Variants in HMBOX1 observed in about 807,000 individuals in gnomAD.
The protein encoded by HMBOX1 is homeobox containing 1.
HMBOX1 carries 14 observed loss-of-function variants against 54.5 expected under a neutral mutation model. The observed-to-expected ratio is 0.26, with a 90% confidence interval of 0.17 to 0.40. The LOEUF (loss-of-function observed/expected upper bound fraction) is 0.40, where lower values mean the gene tolerates loss of function less well. Ranked by LOEUF, HMBOX1 falls within the 10% of genes least tolerant of loss-of-function variation. HMBOX1 has a pLI of 1.00. For synonymous variants in HMBOX1, 160 were observed against 181.0 expected (o/e 0.88, Z 0.93); for missense variants, 332 against 514.4 (o/e 0.65, Z 3.43).
chr8:28,969,863 AT>A (rs1485484017), intron 2 of HMBOX1, among the ~76,000 whole-genome samples, 179 bp from the exon 3 acceptor site: 1 of 152,190 alleles, frequency 6.6e-6, no homozygotes, highest in African/African-American at 2.4e-5. Flanking sequence ...TCACCTACTA[AT>A]ACATTTAGTA....
intron 1 of HMBOX1, among the ~76,000 whole-genome samples, chr8:28,937,369 G>A (rs1324673869): frequency 1.3e-5 from 2 of 152,128 alleles, no homozygotes; most frequent in African/African-American, 4.8e-5. Context: ...AAGAGTACTT[G>A]CTATAGGCCA....
intron 9 of HMBOX1, 24 bp from the exon 10 acceptor site, chr8:29,050,991 TAAC>T: frequency 6.2e-7 from 1 of 1,603,672 alleles, no homozygotes; most frequent in Non-Finnish European, 8.5e-7. Flanking sequence ...AATCCACTAA[TAAC>T]ATTTCTTATT....
intron 6 of HMBOX1, among the ~76,000 whole-genome samples, chr8:29,027,778 T>A (rs1001496156): frequency 3.9e-5 from 6 of 152,328 alleles, no homozygotes; most frequent in South Asian, 2.1e-4. Flanking sequence ...GGTTACTGAT[T>A]GCTATAATTT....
intron 1 of HMBOX1, among the ~76,000 whole-genome samples, chr8:28,929,234 A>G (rs758707977): frequency 1.8e-4 from 27 of 152,338 alleles, no homozygotes; most frequent in Admixed American, 3.9e-4. Context: ...GGCTTTTTGT[A>G]TCAAGTTTTA....
intron 1 of HMBOX1, among the ~76,000 whole-genome samples, chr8:28,908,769 A>G (rs890495343): frequency 1.3e-5 from 2 of 152,080 alleles, no homozygotes; most frequent in Non-Finnish European, 2.9e-5. Flanking sequence ...CTGTCTTAAA[A>G]AAAAACCTGG....
At chr8:29,023,135 T>C (rs1433110289) in intron 6 of HMBOX1, among the ~76,000 whole-genome samples, 1 of 152,174 alleles carries the variant, frequency 6.6e-6, no homozygotes, top group East Asian at 1.9e-4. Flanking sequence ...GATATAGATG[T>C]AGGTACAGAT....
intron 1 of HMBOX1, among the ~76,000 whole-genome samples, chr8:28,904,403 T>A (rs1813855602): frequency 1.3e-5 from 2 of 151,912 alleles, no homozygotes; most frequent in Non-Finnish European, 2.9e-5. Context: ...CAGCCGATTT[T>A]TGTATTTTTA....
intron 6 of HMBOX1, 140 bp from the exon 7 acceptor site, chr8:29,045,220 CA>C (rs543209685): frequency 1.2e-4 from 83 of 686,662 alleles, no homozygotes; most frequent in African/African-American, 1.0e-3. Flanking sequence ...ATTCTACTCT[CA>C]CAGAACATTC....
chr8:29,049,423 C>T, intron 9 of HMBOX1: 1 of 1,524,630 alleles, frequency 6.6e-7, no homozygotes, highest in Non-Finnish European at 8.8e-7. Context: ...GACACACACT[C>T]AGTGTTTGAG....
chr8:28,929,262 C>T lies in HMBOX1; in HGVS notation c.-57-34549C>T, dbSNP rs112999478. ...AAGTTTTAAGGAAATTAATCTTCAT[C>T]GTAAGAGCAGTGAAAGCATATGAAG... is the stretch of plus-strand genomic sequence containing the variant. On this transcript the variant is annotated intron_variant, in intron 1 of 9. Coordinates refer to ENST00000287701, the MANE Select transcript of HMBOX1 (RefSeq NM_001135726.3). 2.8e-3 allele frequency among the ~76,000 whole-genome samples: 425 copies of T among 152,172 alleles called. 4 individuals carry two copies. Among genetic ancestry groups the T allele is most frequent in the African/African-American group, 9.4e-3 (389 of 41,504 alleles).
At chr8:29,030,059 A>G (rs771539040) in intron 6 of HMBOX1, among the ~76,000 whole-genome samples, 4 of 150,954 alleles carry the variant, frequency 2.6e-5, no homozygotes, top group Non-Finnish European at 4.4e-5. Flanking sequence ...TTTTACACTT[A>G]CTTCTTTTAA....
chr8:28,897,231 C>A (rs913727989), intron 1 of HMBOX1, among the ~76,000 whole-genome samples: 1 of 151,820 alleles, frequency 6.6e-6, no homozygotes, highest in African/African-American at 2.4e-5. Flanking sequence ...GATCCACCCG[C>A]CTTGGCCTCC....
intron 1 of HMBOX1, among the ~76,000 whole-genome samples, chr8:28,918,508 G>A (rs1395155054): frequency 6.6e-6 from 1 of 152,102 alleles, no homozygotes; most frequent in Non-Finnish European, 1.5e-5. Context: ...TGGCCATGTT[G>A]TTTCTTTTGG....
intron 5 of HMBOX1, among the ~76,000 whole-genome samples, chr8:29,010,561 A>T (rs1055140760): frequency 1.7e-4 from 26 of 151,988 alleles, no homozygotes; most frequent in African/African-American, 4.1e-4. Flanking sequence ...TCTCAAAAAA[A>T]AAATATATAT....
At chr8:29,047,830 A>G (rs10107844) in intron 8 of HMBOX1, among the ~76,000 whole-genome samples, 64,394 of 151,844 alleles carry the variant, frequency 0.42, 14,677 homozygotes, top group African/African-American at 0.6. Flanking sequence ...GCCTCCCAAA[A>G]TGCTGGGATT....
chr8:28,995,680 A>G (rs1831704840), intron 4 of HMBOX1, among the ~76,000 whole-genome samples: 1 of 152,198 alleles, frequency 6.6e-6, no homozygotes, highest in Non-Finnish European at 1.5e-5. Context: ...GTGAAGTGGT[A>G]TGTGTCTCAT....
At chr8:28,974,560 T>G (rs1828057376) in intron 3 of HMBOX1, among the ~76,000 whole-genome samples, 1 of 152,190 alleles carries the variant, frequency 6.6e-6, no homozygotes, top group East Asian at 1.9e-4. Flanking sequence ...AACTGAGGCT[T>G]TATTCTAAGT....
At chr8:28,907,397 A>G (rs1814541828) in intron 1 of HMBOX1, among the ~76,000 whole-genome samples, 1 of 152,240 alleles carries the variant, frequency 6.6e-6, no homozygotes, top group African/African-American at 2.4e-5. Flanking sequence ...AAGGTGGCTG[A>G]AACATTTTAG....
chr8:28,935,736 G>A (rs1035286193), intron 1 of HMBOX1, among the ~76,000 whole-genome samples: 3 of 152,016 alleles, frequency 2.0e-5, no homozygotes, highest in African/African-American at 7.2e-5. Flanking sequence ...GAGTAGTAAG[G>A]TTGCATTATA....
Sources: gnomAD v4.1 joint callset for allele counts (sites outside exome capture counted in the v4.1 genomes callset) on GRCh38, gnomAD v4.1.1 for gene constraint, MANE v1.5 for transcripts, NCBI Gene and HGNC (gene_info 2026-07-23, HGNC 2026-07-21) for gene names.